CACNA1B: variants seen among roughly 807,000 people sequenced by gnomAD.
CACNA1B encodes the protein calcium voltage-gated channel subunit alpha1 B, also known as voltage-dependent N-type calcium channel subunit alpha-1B.
A neutral mutation model predicts 247.2 loss-of-function variants in CACNA1B; 70 were observed. That is an observed-to-expected ratio of 0.28 (90% CI 0.23 to 0.35). The LOEUF is 0.35. CACNA1B is among the 10% of genes least tolerant of loss of function. The pLI is 1.00. For synonymous variants in CACNA1B, 1,231 were observed against 1,294.4 expected (o/e 0.95, Z 1.05); for missense variants, 2,367 against 3,197.4 (o/e 0.74, Z 6.26).
In CACNA1B at chr9:138,051,974, A is replaced by G. The variant is rs1286465710; in HGVS notation, c.3711-118A>G. On this transcript the variant is annotated intron_variant, in intron 24 of 46. Coordinates refer to ENST00000371372, the MANE Select transcript of CACNA1B (RefSeq NM_000718.4). This position sits in a 1 kb window ranked among gnomAD's most constrained non-coding sequence, Gnocchi z 4.3. ...AGGCCTCTCTGCTCCTGGGTCCTCC[A>G]CCCTGGAGTCTGAGACAAAATGCAC... 1.6e-6 allele frequency: 1 copy of G among 631,288 alleles called. No homozygotes were observed. The highest frequency in any genetic ancestry group is 2.9e-6 in the Non-Finnish European group (1 of 346,032). 39.1% of individuals were successfully genotyped at this position (631,288 alleles called of 1,614,324 possible).
chr9:138,000,948 A>G (rs533561489), intron 15 of CACNA1B, among the ~76,000 whole-genome samples: 1 of 152,252 alleles, frequency 6.6e-6, no homozygotes, highest in Admixed American at 6.5e-5. Context: ...TTGCTATACA[A>G]TTATCTACTT....
chr9:138,075,763 T>C, intron 34 of CACNA1B, 56 bp from the exon 35 acceptor site: 1 of 1,174,618 alleles, frequency 8.5e-7, no homozygotes, highest in Non-Finnish European at 1.2e-6. Context: ...TCGGTCCACC[T>C]GGCGCGGCTC....
At chr9:138,049,186 T>A (rs200552443) in intron 23 of CACNA1B, 23 bp from the exon 24 acceptor site, 43 of 1,452,882 alleles carry the variant, frequency 3.0e-5, no homozygotes, top group Non-Finnish European at 4.2e-5. Flanking sequence ...ATGACGTATC[T>A]AACGTGTGTT....
intron 26 of CACNA1B, among the ~76,000 whole-genome samples, chr9:138,056,311 C>A (rs1035602926): frequency 6.6e-6 from 1 of 152,228 alleles, no homozygotes; most frequent in Non-Finnish European, 1.5e-5. Context: ...GTTCTGGACA[C>A]TTTTTGTAAA....
rs753746949 is a variant in CACNA1B, at chr9:138,112,417, G to A, written c.5448G>A (p.Gln1816=). The A allele has an allele frequency of 2.5e-6, 4 of 1,613,054 alleles. No homozygotes were observed. Among genetic ancestry groups the A allele is most frequent in the Non-Finnish European group, 2.5e-6 (3 of 1,179,108 alleles). The change falls in exon 40 of 47, where the codon CAG becomes CAA. Residue 1816 remains glutamine, a synonymous_variant. Coordinates refer to ENST00000371372, the MANE Select transcript of CACNA1B (RefSeq NM_000718.4). ...GTGCAGCTGGGACAAAGCAGCATCAGTGTGACGCGGAGTTGAGGAAGGAGA... is the reference window on the plus strand; with the variant it reads ...GTGCAGCTGGGACAAAGCAGCATCAATGTGACGCGGAGTTGAGGAAGGAGA... ...KLAPAGTKQH[Q]CDAELRKEIS... is the part of the protein sequence containing the mutation.
At chr9:137,902,677 T>G (rs565070175) in intron 3 of CACNA1B, among the ~76,000 whole-genome samples, 2 of 152,332 alleles carry the variant, frequency 1.3e-5, no homozygotes, top group East Asian at 3.9e-4. Flanking sequence ...CTGTTAATAT[T>G]TTGAGCTATT....
Position 137,913,032 on chromosome 9 carries a change from G to A in CACNA1B, c.531-148G>A. On this transcript the variant is annotated intron_variant, in intron 3 of 46. Transcript: ENST00000371372. The surrounding 1 kb of genome is among the most constrained non-coding windows in gnomAD (Gnocchi z 5.2). ...GTGGTTGGACAGTGGGGGGACACAG[G>A]TGCTGGCCCTGTGGTTGGACAGTGG... is the stretch of plus-strand genomic sequence containing the variant. 1.5e-6 allele frequency: 1 copy of A among 647,082 alleles called. No homozygotes were observed. The allele number at this position is 647,082 out of a possible 1,614,324, so 40.1% of individuals were successfully genotyped here. A position where few individuals can be genotyped will look rare whatever the true frequency, so the allele number is the denominator to read the frequency against.
intron 3 of CACNA1B, among the ~76,000 whole-genome samples, chr9:137,886,992 G>C (rs1358567958): frequency 3.3e-5 from 5 of 150,378 alleles, no homozygotes; most frequent in Non-Finnish European, 5.9e-5. Flanking sequence ...GTCATCTTCA[G>C]AGCTTGAGAC....
rs557851438 is a variant in CACNA1B, at chr9:138,117,220, G to C, written c.5778-726G>C. ...CAGGCGTATGGGGAGCATGTGTGGGGTGGCCTCCGCCAGAAGGCTGCACCC... is the reference window on the plus strand; with the variant it reads ...CAGGCGTATGGGGAGCATGTGTGGGCTGGCCTCCGCCAGAAGGCTGCACCC... On this transcript the variant is annotated intron_variant, in intron 42 of 46. Transcript: ENST00000371372. 3.0e-4 allele frequency among the ~76,000 whole-genome samples: 46 copies of C among 152,248 alleles called. No homozygotes were observed. In the South Asian group the frequency reaches 7.5e-3, roughly 25 times the overall value.
At position 137,917,191 on chromosome 9, in the gene CACNA1B, A is replaced by C; in HGVS notation, c.776-50A>C. ...GCCCAGGAATCCTGGTGGGGATTGG[A>C]GAGCTTGGTATTTCTGAGCTCAGGG... On this transcript the variant is annotated intron_variant, in intron 5 of 46. Transcript: ENST00000371372. The surrounding 1 kb of genome is among the most constrained non-coding windows in gnomAD (Gnocchi z 5.5). The C allele has an allele frequency of 2.0e-6, 3 of 1,536,614 alleles. No individual in the cohort carries two copies. The highest frequency in any genetic ancestry group is 2.7e-6 in the Non-Finnish European group (3 of 1,127,564).
chr9:138,063,595 CT>C (rs1468680225), intron 31 of CACNA1B, among the ~76,000 whole-genome samples: 1 of 152,254 alleles, frequency 6.6e-6, no homozygotes, highest in Non-Finnish European at 1.5e-5. Context: ...CAAACTGCTT[CT>C]GACCCTGCTT....
chr9:137,906,012 C>T (rs1957295083), intron 3 of CACNA1B, among the ~76,000 whole-genome samples: 1 of 152,224 alleles, frequency 6.6e-6, no homozygotes, highest in African/African-American at 2.4e-5. Context: ...AGGGCCTCTC[C>T]ACTCAAATGC....
intron 31 of CACNA1B, chr9:138,068,504 G>A: frequency 2.1e-6 from 1 of 471,580 alleles, no homozygotes; most frequent in Non-Finnish European, 4.2e-6. Context: ...TTTCCCAGTG[G>A]CTGCCTCCTC....
chr9:137,975,843 C>T (rs968571371), intron 11 of CACNA1B, 64 bp from the exon 12 acceptor site: 9 of 983,716 alleles, frequency 9.1e-6, no homozygotes, highest in African/African-American at 1.6e-5. Context: ...GTCCTCCAGT[C>T]TGGGCTGGAG....
chr9:138,040,232 C>T (rs1192372550), intron 20 of CACNA1B, among the ~76,000 whole-genome samples: 1 of 152,138 alleles, frequency 6.6e-6, no homozygotes, highest in Non-Finnish European at 1.5e-5. Context: ...GCCACTGCGC[C>T]TGGCCTATAT....
rs112949380 is a variant in CACNA1B at position 138,009,374 on chromosome 9, G to A, written c.2093-636G>A. ...TCCTGCAATCTACGGAGCGGATGCC[G>A]CAAAGAAGAGGCCCCAGGACACCAT... On this transcript the variant is annotated intron_variant, in intron 16 of 46. Transcript: ENST00000371372. 8.5e-3 allele frequency among the ~76,000 whole-genome samples: 1,292 copies of A among 152,348 alleles called. 9 individuals carry two copies. The highest frequency in any genetic ancestry group is 0.032 in the South Asian group (154 of 4,832).
rs1004218105 is a variant in CACNA1B at position 138,050,646 on chromosome 9, C to T, written c.3710+1331C>T. Among the ~76,000 whole-genome samples, 4 of 152,302 alleles carry T rather than the reference C, an allele frequency of 2.6e-5. No homozygotes were observed. Among genetic ancestry groups the T allele is most frequent in the Non-Finnish European group, 4.4e-5 (3 of 68,022 alleles). On this transcript the variant is annotated intron_variant, in intron 24 of 46. Transcript: ENST00000371372. This position sits in a 1 kb window ranked among gnomAD's most constrained non-coding sequence, Gnocchi z 5.2. ...GGGGAAGGGGTTGGGCCCATCCAGG[C>T]GGCTTCAGAGCAGGAGAAAAGGAGC... is the stretch of plus-strand genomic sequence containing the variant.
At chr9:137,969,042 T>G (rs774263335) in intron 10 of CACNA1B, among the ~76,000 whole-genome samples, 3 of 152,238 alleles carry the variant, frequency 2.0e-5, no homozygotes, top group Non-Finnish European at 4.4e-5. Context: ...CTCTCTGCTT[T>G]TACTGGAGCA....
rs771069992 is a variant in CACNA1B at position 138,046,858 on chromosome 9, G to A, written c.3414-46G>A. On this transcript the variant is annotated intron_variant, in intron 21 of 46. Transcript: ENST00000371372. ...AGCCTGCCCTGTGGCAAGGGGTGGC[G>A]CGCCCGGCTGGGGGGCCTTGTGGTG... The A allele has an allele frequency of 1.5e-5, 24 of 1,588,186 alleles. 1 individual carries two copies. The East Asian group carries it at 2.3e-4, about 15-fold the overall frequency.
Sources: allele counts gnomAD v4.1 joint callset (sites outside exome capture counted in the v4.1 genomes callset), GRCh38; gene constraint gnomAD v4.1.1; non-coding constraint Gnocchi (gnomAD v3.1); transcripts MANE v1.5; gene names NCBI Gene and HGNC (gene_info 2026-07-23, HGNC 2026-07-21).